Variants in LTBP1 observed in about 807,000 individuals in gnomAD.
The protein encoded by LTBP1 is latent transforming growth factor beta binding protein 1.
LTBP1 carries 129 observed loss-of-function variants against 207.6 expected under a neutral mutation model. The observed-to-expected ratio is 0.62, with a 90% CI of 0.54 to 0.72. The LOEUF (loss-of-function observed/expected upper bound fraction) is 0.72. Ranked by LOEUF, LTBP1 falls within the 30% of genes least tolerant of loss-of-function variation. The probability of loss-of-function intolerance (pLI) is 0.00; values close to 1 mark genes in which losing one functional copy is unlikely to be tolerated. For synonymous variants in LTBP1, 963 were observed against 833.7 expected (o/e 1.16, Z -2.67); for missense variants, 2,281 against 2,217.2 (o/e 1.03, Z -0.58).
Position 33,296,622 on chromosome 2 carries a change from C to G in LTBP1, c.3235+3340C>G, listed in dbSNP as rs570989619. On this transcript the variant is annotated intron_variant, in intron 20 of 33. Transcript: ENST00000404816. Reference sequence around the variant, plus strand: ...ACCACTGTCTTGCTCTTGGCTGTTGCCATCCCAGCTGAGCCTGGGAAAGAT... The same window carrying G: ...ACCACTGTCTTGCTCTTGGCTGTTGGCATCCCAGCTGAGCCTGGGAAAGAT... 5.8e-4 allele frequency among the ~76,000 whole-genome samples: 88 copies of G among 152,226 alleles called. 3 individuals are homozygous for G. In the South Asian group the frequency reaches 0.017, roughly 29 times the overall value.
intron 3 of LTBP1, among the ~76,000 whole-genome samples, chr2:33,088,321 G>A (rs977943352): frequency 9.9e-5 from 15 of 152,098 alleles, no homozygotes; most frequent in Non-Finnish European, 7.4e-5. Flanking sequence ...GCATGGTGGC[G>A]CGTGCCTGTA....
At chr2:32,978,870 C>T (rs922114027) in intron 2 of LTBP1, among the ~76,000 whole-genome samples, 23 of 151,698 alleles carry the variant, frequency 1.5e-4, no homozygotes, top group African/African-American at 5.6e-4. Context: ...CTTTTTATTA[C>T]AGCGTTGATA....
At position 33,101,475 on chromosome 2, in the gene LTBP1, G is replaced by A. The variant is rs185209881; in HGVS notation, c.864-9107G>A. Among the ~76,000 whole-genome samples, 279 of 152,186 alleles carry A rather than the reference G, an allele frequency of 1.8e-3. 2 individuals are homozygous for A. The South Asian group carries it at 0.027, about 15-fold the overall frequency. ...TAAAAAGAAATCACTCATCCTTATCGTTTCTGCATTAACTTTGTGAGGCGA... is the reference window on the plus strand; with the variant it reads ...TAAAAAGAAATCACTCATCCTTATCATTTCTGCATTAACTTTGTGAGGCGA... On this transcript the variant is annotated intron_variant, in intron 3 of 33. Coordinates refer to ENST00000404816, the MANE Select transcript of LTBP1 (RefSeq NM_206943.4).
intron 7 of LTBP1, among the ~76,000 whole-genome samples, chr2:33,216,501 G>A (rs1362377471): frequency 6.6e-6 from 1 of 152,110 alleles, no homozygotes; most frequent in Admixed American, 6.5e-5. Context: ...TCTAGAGTGT[G>A]CCATTTTCAG....
intron 3 of LTBP1, among the ~76,000 whole-genome samples, chr2:33,058,594 G>T: frequency 6.6e-6 from 1 of 152,098 alleles, no homozygotes; most frequent in Non-Finnish European, 1.5e-5. Flanking sequence ...TATGCAAGAA[G>T]ATCAAGATAA....
intron 24 of LTBP1, among the ~76,000 whole-genome samples, chr2:33,330,638 A>C (rs895308320): frequency 3.3e-5 from 5 of 151,546 alleles, no homozygotes; most frequent in Non-Finnish European, 7.4e-5. Flanking sequence ...TATTCTGTTA[A>C]TGTGGTGAAT....
intron 3 of LTBP1, among the ~76,000 whole-genome samples, chr2:33,021,686 A>G (rs535333489): frequency 1.1e-4 from 17 of 152,340 alleles, no homozygotes; most frequent in African/African-American, 3.8e-4. Context: ...TCTCAACCTC[A>G]GTAGCAGGTT....
rs757157799 is a variant in LTBP1, at chr2:33,257,548, A to G, written c.2395+37A>G. Reference sequence around the variant, plus strand: ...AATGGATCATGGACTCTAGACATCTATCTGTGTGTCTTTGCTTTGATTTCC... The same window carrying G: ...AATGGATCATGGACTCTAGACATCTGTCTGTGTGTCTTTGCTTTGATTTCC... On this transcript the variant is annotated intron_variant, in intron 12 of 33. Transcript: ENST00000404816. 1.6e-5 allele frequency: 24 copies of G among 1,531,758 alleles called. 1 individual carries two copies. The highest frequency in any genetic ancestry group is 6.8e-5 in the East Asian group (3 of 44,074). 94.9% of individuals were successfully genotyped at this position (1,531,758 alleles called of 1,614,324 possible).
intron 3 of LTBP1, among the ~76,000 whole-genome samples, chr2:33,102,025 C>T (rs1268151565): frequency 6.6e-6 from 1 of 152,106 alleles, no homozygotes; most frequent in Non-Finnish European, 1.5e-5. Flanking sequence ...GTCCAGGCAA[C>T]TTGAGTATAG....
At chr2:33,082,173 G>A (rs1452126611) in intron 3 of LTBP1, among the ~76,000 whole-genome samples, 1 of 152,066 alleles carries the variant, frequency 6.6e-6, no homozygotes, top group African/African-American at 2.4e-5. Context: ...AGAAGAATAA[G>A]CTCAGCCCCC....
intron 3 of LTBP1, among the ~76,000 whole-genome samples, chr2:33,075,603 A>T (rs964234623): frequency 6.6e-6 from 1 of 152,210 alleles, no homozygotes; most frequent in African/African-American, 2.4e-5. Flanking sequence ...TGCAAGAATG[A>T]TGGGCTGTAA....
chr2:32,979,517 T>G (rs1682427337), intron 2 of LTBP1, among the ~76,000 whole-genome samples: 1 of 152,138 alleles, frequency 6.6e-6, no homozygotes, highest in South Asian at 2.1e-4. Flanking sequence ...TCCTTTTGAA[T>G]TGATTTCTGG....
intron 26 of LTBP1, among the ~76,000 whole-genome samples, chr2:33,356,189 A>G (rs1184004199): frequency 1.3e-5 from 2 of 152,180 alleles, no homozygotes; most frequent in East Asian, 3.9e-4. Flanking sequence ...ACAGGGAAGA[A>G]ATGTAACAAT....
intron 22 of LTBP1, among the ~76,000 whole-genome samples, chr2:33,305,968 G>A (rs2094083758): frequency 6.6e-6 from 1 of 152,190 alleles, no homozygotes; most frequent in Non-Finnish European, 1.5e-5. Context: ...AAAGATGACA[G>A]TGATTCACTG....
chr2:33,114,648 C>T (rs750566636), intron 4 of LTBP1, among the ~76,000 whole-genome samples: 1 of 152,158 alleles, frequency 6.6e-6, no homozygotes, highest in East Asian at 1.9e-4. Flanking sequence ...TACCAGGAAG[C>T]TGCTTGTGTT....
At chr2:33,077,316 G>T (rs747799103) in intron 3 of LTBP1, among the ~76,000 whole-genome samples, 3 of 152,192 alleles carry the variant, frequency 2.0e-5, no homozygotes, top group Non-Finnish European at 2.9e-5. Flanking sequence ...TTGGAAAAGC[G>T]TATAAGTCCG....
chr2:33,389,411 C>T, intron 32 of LTBP1, 105 bp downstream of exon 32: 14 of 1,473,656 alleles, frequency 9.5e-6, no homozygotes, highest in Non-Finnish European at 1.2e-5. Flanking sequence ...CATTTCTGGT[C>T]CCACCCCAGA....
At chr2:33,038,755 T>C (rs2076044140) in intron 3 of LTBP1, among the ~76,000 whole-genome samples, 1 of 152,246 alleles carries the variant, frequency 6.6e-6, no homozygotes, top group Admixed American at 6.5e-5. Context: ...CACTGTTGAA[T>C]GACTATACGC....
At chr2:33,057,875 A>G (rs1479801016) in intron 3 of LTBP1, among the ~76,000 whole-genome samples, 2 of 152,224 alleles carry the variant, frequency 1.3e-5, no homozygotes, top group Non-Finnish European at 2.9e-5. Flanking sequence ...AATGGCTCCC[A>G]TGGTGCAGCG....
Sources: gnomAD v4.1 joint callset for allele counts (sites outside exome capture counted in the v4.1 genomes callset) on GRCh38, gnomAD v4.1.1 for gene constraint, MANE v1.5 for transcripts, NCBI Gene and HGNC (gene_info 2026-07-23, HGNC 2026-07-21) for gene names.